The following RPS6KA5 variants were observed in gnomAD, a reference collection of about 807,000 sequenced individuals.
RPS6KA5 encodes ribosomal protein S6 kinase alpha-5.
RPS6KA5 carries 27 observed loss-of-function variants against 85.5 expected under a neutral mutation model. That is an observed-to-expected ratio of 0.32 (90% CI 0.23 to 0.44). The LOEUF is 0.44. Among genes scored for constraint, RPS6KA5 ranks in the 20% least tolerant of loss-of-function variants. The pLI is 1.00. For synonymous variants in RPS6KA5, 334 were observed against 348.2 expected (o/e 0.96, Z 0.46); for missense variants, 811 against 980.9 (o/e 0.83, Z 2.31).
At chr14:91,057,405 T>G (rs2043367821) in intron 1 of RPS6KA5, among the ~76,000 whole-genome samples, 1 of 152,156 alleles carries the variant, frequency 6.6e-6, no homozygotes, top group South Asian at 2.1e-4. Flanking sequence ...ATTAAGTACC[T>G]ACTATATGCC....
At position 91,060,368 on chromosome 14, in the gene RPS6KA5, C is replaced by T. The variant is rs1483029166; in HGVS notation, c.67G>A (p.Glu23Lys). The change falls in exon 1 of 17, where the codon GAG becomes AAG. Residue 23 changes from glutamate to lysine, a missense_variant. Glu to Lys is a moderately conservative substitution (Grantham distance 56). Around this residue, in one of 3 missense-constraint regions of RPS6KA5, gnomAD observed 113 missense variants for 100.0 expected, o/e 1.13. Coordinates refer to ENST00000614987, the MANE Select transcript of RPS6KA5 (RefSeq NM_004755.4). ...GTSADGGDGGEQLLTVKHELR... is the reference protein window; with the variant it reads ...GTSADGGDGGKQLLTVKHELR... ...TCGTGCTTGACAGTGAGGAGCTGCTCTCCTCCGTCGCCGCCGTCCGCGCTG... is the reference window on the plus strand; with the variant it reads ...TCGTGCTTGACAGTGAGGAGCTGCTTTCCTCCGTCGCCGCCGTCCGCGCTG... 6.6e-7 allele frequency: 1 copy of T among 1,504,382 alleles called. No individual in the cohort carries two copies. The allele number at this position is 1,504,382 out of a possible 1,614,324, so 93.2% of individuals were successfully genotyped here. A position where few individuals can be genotyped will look rare whatever the true frequency, so the allele number is the denominator to read the frequency against.
rs539917550 is a variant in RPS6KA5 at position 91,018,946 on chromosome 14, A to T, written c.104-17787T>A. Among the ~76,000 whole-genome samples the T allele has an allele frequency of 4.6e-5, 7 of 152,074 alleles. No homozygotes were observed. The South Asian group carries it at 1.0e-3, about 23-fold the overall frequency. The stretch of plus-strand genomic sequence containing the variant: ...TTTTCCTCTTAACATGAAACATAAG[A>T]TGTATTAACTAGATATCATAGCATA... On this transcript the variant is annotated intron_variant, in intron 1 of 16. Transcript: ENST00000614987.
At chr14:90,977,783 G>A (rs188801269) in intron 3 of RPS6KA5, among the ~76,000 whole-genome samples, 1 of 152,318 alleles carries the variant, frequency 6.6e-6, no homozygotes, top group East Asian at 1.9e-4. Context: ...GGCTGGAAGT[G>A]ACAGTTCACA....
chr14:90,885,531 C>A (rs1173471237), intron 14 of RPS6KA5, among the ~76,000 whole-genome samples: 57 of 74,526 alleles, frequency 7.6e-4, no homozygotes, highest in East Asian at 4.7e-3. Context: ...CCAGCCTGGG[C>A]GACAGAGCGA....
intron 14 of RPS6KA5, among the ~76,000 whole-genome samples, chr14:90,882,339 A>C (rs1288674466): frequency 1.3e-5 from 2 of 152,224 alleles, no homozygotes; most frequent in Non-Finnish European, 2.9e-5. Flanking sequence ...GTGCCCCAAA[A>C]CAAACCGATA....
Position 90,853,096 on chromosome 14 carries a change from G to C in RPS6KA5, c.*18978C>G, listed in dbSNP as rs367613157. 2.6e-5 allele frequency: 4 copies of C among 152,220 alleles called. No homozygotes were observed. The highest frequency in any genetic ancestry group is 4.8e-5 in the African/African-American group (2 of 41,508). The allele number at this position is 152,220 out of a possible 1,614,324, so 9.4% of individuals were successfully genotyped here. Reference sequence around the variant, plus strand: ...AAAAAGCCCCGGATGTTAGCAAAAAGAGTGAATGTGTTTGCCGTTCTATAA... The same window carrying C: ...AAAAAGCCCCGGATGTTAGCAAAAACAGTGAATGTGTTTGCCGTTCTATAA... On this transcript the variant is annotated 3_prime_UTR_variant, in exon 17 of 17. Coordinates refer to ENST00000614987, the MANE Select transcript of RPS6KA5 (RefSeq NM_004755.4).
At chr14:90,983,276 CAAAAAAAAA>C (rs562999325) in intron 2 of RPS6KA5, among the ~76,000 whole-genome samples, 7 of 66,616 alleles carry the variant, frequency 1.1e-4, no homozygotes, top group Non-Finnish European at 1.5e-4. Flanking sequence ...GACTCCATCT[CAAAAAAAAA>C]AAAAAAAGAA....
rs550578248 is a variant in RPS6KA5 at position 90,872,396 on chromosome 14, C to T, written c.2161-74G>A. 7.5e-5 allele frequency: 112 copies of T among 1,500,104 alleles called. No individual in the cohort carries two copies. In the African/African-American group the frequency reaches 1.5e-3, roughly 20 times the overall value. 92.9% of individuals were successfully genotyped at this position (1,500,104 alleles called of 1,614,324 possible). ...CTTTCCTAGCAGTTATGACTTACAG[C>T]AGAAGACAACTTTCCATTGGCAACT... On this transcript the variant is annotated intron_variant, in intron 16 of 16. Transcript: ENST00000614987.
intron 3 of RPS6KA5, 83 bp downstream of exon 3, chr14:90,978,223 G>T: frequency 1.0e-6 from 1 of 970,920 alleles, no homozygotes; most frequent in Non-Finnish European, 1.5e-6. Flanking sequence ...TAAGTCCATA[G>T]TATCTTGCCC....
rs1239380658 is a variant in RPS6KA5, at chr14:90,868,870, C to A, written c.*3204G>T. ...ACTTACCTTATATTTAAAAGTTAGT[C>A]ATTTACATACTTAAGAAATCAACAG... On this transcript the variant is annotated 3_prime_UTR_variant, in exon 17 of 17. Transcript: ENST00000614987. 3 of 152,132 alleles carry A rather than the reference C, an allele frequency of 2.0e-5. No individual in the cohort carries two copies. Among genetic ancestry groups the A allele is most frequent in the Middle Eastern group, 6.8e-3 (2 of 294 alleles). The allele number at this position is 152,132 out of a possible 1,614,324, so 9.4% of individuals were successfully genotyped here. A position where few individuals can be genotyped will look rare whatever the true frequency, so the allele number is the denominator to read the frequency against.
At chr14:90,874,095 C>T (rs28399888) in intron 15 of RPS6KA5, among the ~76,000 whole-genome samples, 12,626 of 152,184 alleles carry the variant, frequency 0.083, 677 homozygotes, top group East Asian at 0.24. Context: ...TCCAAATGAG[C>T]AAAAAGCACA....
chr14:90,941,495 G>C (rs538917781), intron 5 of RPS6KA5, among the ~76,000 whole-genome samples: 2 of 152,284 alleles, frequency 1.3e-5, no homozygotes, highest in South Asian at 4.1e-4. Flanking sequence ...TTTTCTGTAT[G>C]GTATCCTCAT....
At chr14:90,953,837 C>T (rs558163877) in intron 3 of RPS6KA5, among the ~76,000 whole-genome samples, 3 of 152,212 alleles carry the variant, frequency 2.0e-5, no homozygotes, top group African/African-American at 7.2e-5. Context: ...GCTCTCAAAC[C>T]CTGTTTTCTT....
chr14:90,928,416 T>C (rs2036796154), intron 5 of RPS6KA5, among the ~76,000 whole-genome samples: 1 of 151,288 alleles, frequency 6.6e-6, no homozygotes. Flanking sequence ...ATAATAAACC[T>C]CATCAAAGAA....
chr14:90,999,852 G>A (rs1374533440), intron 2 of RPS6KA5, among the ~76,000 whole-genome samples: 1 of 152,144 alleles, frequency 6.6e-6, no homozygotes, highest in Non-Finnish European at 1.5e-5. Context: ...CGAAAGCGGT[G>A]GTAGCAAAAA....
chr14:90,960,576 A>G (rs2038746510), intron 3 of RPS6KA5, among the ~76,000 whole-genome samples: 1 of 152,174 alleles, frequency 6.6e-6, no homozygotes. Flanking sequence ...CTGGGCATAA[A>G]TTACATTTCC....
Position 90,890,684 on chromosome 14 carries a change from A to G in RPS6KA5, c.1645-6T>C. Reference sequence around the variant, plus strand: ...TCATCGGTGAACAATAAATTCTGCAAGATATCAATGCTTACATTAGTTTCT... The same window carrying G: ...TCATCGGTGAACAATAAATTCTGCAGGATATCAATGCTTACATTAGTTTCT... On this transcript the variant is annotated splice_region_variant and splice_polypyrimidine_tract_variant and intron_variant, in intron 13 of 16. Transcript: ENST00000614987. The G allele has an allele frequency of 6.2e-7, 1 of 1,609,490 alleles. No individual in the cohort carries two copies.
chr14:90,950,829 T>A (rs1055456292), intron 3 of RPS6KA5, among the ~76,000 whole-genome samples: 1 of 152,048 alleles, frequency 6.6e-6, no homozygotes, highest in Non-Finnish European at 1.5e-5. Flanking sequence ...TCATAAGAGA[T>A]AATGATCTGG....
intron 3 of RPS6KA5, among the ~76,000 whole-genome samples, chr14:90,958,317 T>A (rs1446316724): frequency 6.6e-6 from 1 of 152,212 alleles, no homozygotes; most frequent in South Asian, 2.1e-4. Context: ...TGACATTTTT[T>A]AAATATTGCG....
Sources: gnomAD v4.1 joint callset for allele counts (sites outside exome capture counted in the v4.1 genomes callset) on GRCh38, gnomAD v4.1.1 for gene constraint, gnomAD v4.1.1 regional missense constraint, MANE v1.5 for transcripts, NCBI Gene and HGNC (gene_info 2026-07-23, HGNC 2026-07-21) for gene names.